Variants in PLD3 observed in about 807,000 individuals in gnomAD.
The protein encoded by PLD3 is phospholipase D family member 3.
Under a neutral mutation model 58.4 loss-of-function variants are expected in PLD3, and 31 were observed. The ratio of observed to expected loss-of-function variants is 0.53; its 90% CI spans 0.40 to 0.72. The LOEUF (loss-of-function observed/expected upper bound fraction) is 0.72, where lower values mean the gene tolerates loss of function less well. Ranked by LOEUF, PLD3 falls within the 30% of genes least tolerant of loss-of-function variation. PLD3 has a pLI of 0.00. For missense variants in PLD3, 595 were observed against 659.8 expected (o/e 0.90, Z 1.08); for synonymous variants, 264 against 273.4 (o/e 0.97, Z 0.34).
intron 5 of PLD3, 96 bp from the exon 6 acceptor site, chr19:40,367,600 G>T: frequency 9.7e-7 from 1 of 1,033,626 alleles, no homozygotes; most frequent in Non-Finnish European, 1.4e-6. Flanking sequence ...AAAAAATACA[G>T]TCTATCCAAC....
intron 1 of PLD3, chr19:40,359,818 CA>C (rs2078738038): frequency 6.6e-6 from 1 of 152,144 alleles, no homozygotes; most frequent in African/African-American, 2.4e-5. Flanking sequence ...TCCTGCATGT[CA>C]GGGGCTCTTC....
intron 1 of PLD3, among the ~76,000 whole-genome samples, chr19:40,364,340 C>T (rs917529764): frequency 4.0e-5 from 6 of 150,546 alleles, no homozygotes; most frequent in East Asian, 2.0e-4. Flanking sequence ...GGCAAAAGAG[C>T]GAAACTCCGT....
chr19:40,352,739 G>C (rs188775934), intron 1 of PLD3, among the ~76,000 whole-genome samples: 1 of 152,312 alleles, frequency 6.6e-6, no homozygotes, highest in African/African-American at 2.4e-5. Context: ...GAGGTAGGCA[G>C]ATCACTTGAG....
chr19:40,370,884 G>A (rs1476566267), intron 8 of PLD3: 1 of 152,878 alleles, frequency 6.5e-6, no homozygotes, highest in East Asian at 1.9e-4. Context: ...GGTAACAGAT[G>A]GACCTCATGG....
Position 40,367,800 on chromosome 19 carries a change from A to C in PLD3, c.350A>C (p.His117Pro). 6.2e-7 allele frequency: 1 copy of C among 1,610,046 alleles called. No homozygotes were observed. Among genetic ancestry groups the C allele is most frequent in the Non-Finnish European group, 8.5e-7 (1 of 1,178,516 alleles). ...TGGCTGGGCCTGCTCGCCGGTGCGC[A>C]CAGCAGCCTGGACATCGCCTCCTTC... ...QAWLGLLAGA[H>P]SSLDIASFYW... Residue 117 changes from histidine (H) to proline (P), a missense_variant, in exon 6 of 13, where the codon CAC (histidine) becomes CCC (proline). Coordinates refer to ENST00000409735, the MANE Select transcript of PLD3 (RefSeq NM_012268.4).
chr19:40,349,192 C>T (rs775169790), intron 1 of PLD3, among the ~76,000 whole-genome samples: 1 of 152,016 alleles, frequency 6.6e-6, no homozygotes, highest in Non-Finnish European at 1.5e-5. Context: ...CTCTTTAAAC[C>T]CTCATCATAC....
At chr19:40,352,589 T>G (rs1371779893) in intron 1 of PLD3, among the ~76,000 whole-genome samples, 1 of 152,080 alleles carries the variant, frequency 6.6e-6, no homozygotes, top group African/African-American at 2.4e-5. Flanking sequence ...GATCCTTAAT[T>G]CCCTAAGTGG....
intron 10 of PLD3, among the ~76,000 whole-genome samples, chr19:40,376,047 T>C (rs2079190092): frequency 6.6e-6 from 1 of 151,190 alleles, no homozygotes; most frequent in South Asian, 2.1e-4. Flanking sequence ...AGCAAGAACC[T>C]GTCTCAAAAA....
intron 1 of PLD3, among the ~76,000 whole-genome samples, chr19:40,352,221 C>T (rs563594984): frequency 5.9e-5 from 9 of 151,510 alleles, no homozygotes; most frequent in Non-Finnish European, 7.4e-5. Context: ...TGCAGTGAGC[C>T]GAGATCACAC....
intron 1 of PLD3, among the ~76,000 whole-genome samples, chr19:40,364,688 C>T (rs189219741): frequency 9.3e-5 from 14 of 150,618 alleles, no homozygotes; most frequent in Admixed American, 3.3e-4. Flanking sequence ...CCCAGCTACT[C>T]GGGAAGCTGA....
chr19:40,354,106 C>T (rs1386688258), intron 1 of PLD3, among the ~76,000 whole-genome samples: 3 of 140,450 alleles, frequency 2.1e-5, no homozygotes, highest in Non-Finnish European at 3.0e-5. Context: ...CAGAGTCTCG[C>T]TCTGTTGCCC....
Position 40,367,697 on chromosome 19 carries a change from G to C in PLD3, c.247G>C (p.Ala83Pro), listed in dbSNP as rs763496042. The change falls in exon 6 of 13, where the codon GCA becomes CCA. Residue 83 changes from alanine to proline, a missense_variant and splice_region_variant. Transcript: ENST00000409735. Reference sequence around the variant, plus strand: ...CTGATAGCATCCCCCACCCCCCAGAGCAGTGCTGGTGGAAAGCATTCCTGA... The same window carrying C: ...CTGATAGCATCCCCCACCCCCCAGACCAGTGCTGGTGGAAAGCATTCCTGA... ...RPAPCYDPCE[A>P]VLVESIPEGL... 2 of 1,606,464 alleles carry C rather than the reference G, an allele frequency of 1.2e-6. No individual in the cohort carries two copies. The highest frequency in any genetic ancestry group is 2.2e-5 in the South Asian group (2 of 90,696).
rs748515234 is a variant in PLD3, at chr19:40,374,584, A to G, written c.983A>G (p.Asn328Ser). Residue 328 changes from asparagine to serine, a missense_variant, in exon 10 of 13, where the codon AAC (asparagine) becomes AGC (serine). Transcript: ENST00000409735. The stretch of plus-strand genomic sequence containing the variant: ...AGTTTCATCTACGTCGCTGTCATGA[A>G]CTACCTGCCCACTCTGGAGTTCTCC... ...ARSFIYVAVM[N>S]YLPTLEFSHP... 1 of 1,614,142 alleles carries G rather than the reference A, an allele frequency of 6.2e-7. No individual in the cohort carries two copies. The highest frequency in any genetic ancestry group is 1.1e-5 in the South Asian group (1 of 91,074).
In PLD3 at chr19:40,366,101, C is replaced by T. The variant is rs2078914635; in HGVS notation, c.-66+171C>T. 1.2e-5 allele frequency: 4 copies of T among 323,682 alleles called. No individual in the cohort carries two copies. The East Asian group carries it at 2.8e-4, about 23-fold the overall frequency. 20.1% of individuals were successfully genotyped at this position (323,682 alleles called of 1,614,324 possible). On this transcript the variant is annotated intron_variant, in intron 2 of 12. Coordinates refer to ENST00000409735, the MANE Select transcript of PLD3 (RefSeq NM_012268.4). ...CCAGGCACAAAGACCTGGGGCTCCG[C>T]TGACCTCATCCAGCGCTGCCTTTCT...
chr19:40,366,168 G>C (rs1348719996), intron 2 of PLD3: 1 of 472,108 alleles, frequency 2.1e-6, no homozygotes, highest in Non-Finnish European at 3.8e-6. Context: ...GGGGCTGCTA[G>C]AGGGGAGCTG....
At chr19:40,351,560 A>G (rs756081755) in intron 1 of PLD3, among the ~76,000 whole-genome samples, 21 of 152,276 alleles carry the variant, frequency 1.4e-4, no homozygotes, top group Non-Finnish European at 2.2e-4. Flanking sequence ...GAGAGAGAGA[A>G]AGAAAGAGTG....
At chr19:40,361,396 C>G (rs1661346852) in intron 1 of PLD3, among the ~76,000 whole-genome samples, 1 of 152,182 alleles carries the variant, frequency 6.6e-6, no homozygotes, top group Admixed American at 6.5e-5. Context: ...CAGGCATGAG[C>G]CATCACGCCC....
At chr19:40,368,443 A>G (rs767616518) in intron 6 of PLD3, among the ~76,000 whole-genome samples, 6 of 152,208 alleles carry the variant, frequency 3.9e-5, no homozygotes, top group Non-Finnish European at 8.8e-5. Context: ...AACTTAAAGA[A>G]CATAAAAGCT....
chr19:40,371,127 C>A (rs2079057175), intron 8 of PLD3, among the ~76,000 whole-genome samples: 1 of 152,330 alleles, frequency 6.6e-6, no homozygotes, highest in South Asian at 2.1e-4. Flanking sequence ...CAGGAAACAG[C>A]TTGGGCAATG....
Sources: allele counts gnomAD v4.1 joint callset (sites outside exome capture counted in the v4.1 genomes callset), GRCh38; gene constraint gnomAD v4.1.1; transcripts MANE v1.5; gene names NCBI Gene and HGNC (gene_info 2026-07-23, HGNC 2026-07-21).